ZNF254: variants seen among roughly 807,000 people sequenced by gnomAD.
ZNF254 encodes the protein CTD-2017D11.1.
In ZNF254, 10 loss-of-function variants were observed where a neutral mutation model predicts 12.4. The ratio of observed to expected loss-of-function variants is 0.80; its 90% CI spans 0.50 to 1.36. The LOEUF (loss-of-function observed/expected upper bound fraction) is 1.36, where lower values mean the gene tolerates loss of function less well. ZNF254 is among the 40% of genes most tolerant of loss of function. ZNF254 has a pLI of 0.00. For missense variants in ZNF254, 996 were observed against 763.9 expected, an observed-to-expected ratio of 1.30 and a Z score of -3.58; for synonymous variants, 305 against 253.4, an observed-to-expected ratio of 1.20 and a Z score of -1.93.
At position 24,129,210 on chromosome 19, in the gene ZNF254, T is replaced by G. The variant is rs1975087665; in HGVS notation, c.*1230T>G. On this transcript the variant is annotated 3_prime_UTR_variant, in exon 4 of 4. Transcript: ENST00000357002. Reference sequence around the variant, plus strand: ...ATTATGAATGAAAAGCATTCTTAATTTTAGTTAAAATTAAGTTAGTCATAT... The same window carrying G: ...ATTATGAATGAAAAGCATTCTTAATGTTAGTTAAAATTAAGTTAGTCATAT... 1 of 151,998 alleles carries G rather than the reference T, an allele frequency of 6.6e-6. No individual in the cohort carries two copies. Among genetic ancestry groups the G allele is most frequent in the Non-Finnish European group, 1.5e-5 (1 of 67,914 alleles). The allele number at this position is 151,998 out of a possible 1,614,324, so 9.4% of individuals were successfully genotyped here.
At chr19:24,122,100 A>C (rs1974522372) in intron 3 of ZNF254, among the ~76,000 whole-genome samples, 1 of 152,216 alleles carries the variant, frequency 6.6e-6, no homozygotes. Flanking sequence ...CAAATTTACC[A>C]CAAAATATTT....
chr19:24,097,422 A>G (rs1972737858), intron 1 of ZNF254, among the ~76,000 whole-genome samples: 1 of 152,192 alleles, frequency 6.6e-6, no homozygotes, highest in Non-Finnish European at 1.5e-5. Context: ...AAGTTGTTTG[A>G]CAGAAACCTG....
chr19:24,043,798 G>A (rs553462628), intron 1 of ZNF254, among the ~76,000 whole-genome samples: 33 of 152,256 alleles, frequency 2.2e-4, no homozygotes, highest in Admixed American at 3.9e-4. Context: ...TAAAATGTAA[G>A]CATCATTTGA....
chr19:24,066,659 A>G (rs1388433438), intron 2 of ZNF254: 1 of 151,928 alleles, frequency 6.6e-6, no homozygotes, highest in Admixed American at 6.6e-5. Context: ...CAGCCTGGTC[A>G]ACATGGTGAA....
chr19:24,033,910 C>T (rs1292377719), intron 1 of ZNF254, among the ~76,000 whole-genome samples: 2 of 152,212 alleles, frequency 1.3e-5, no homozygotes, highest in Non-Finnish European at 2.9e-5. Context: ...GGAATCCTGA[C>T]TTGGTGTGTG....
chr19:24,048,115 G>A (rs7257502), intron 2 of ZNF254, among the ~76,000 whole-genome samples: 22,223 of 145,748 alleles, frequency 0.15, 2,559 homozygotes, highest in African/African-American at 0.33. Context: ...AGCTCCACAC[G>A]TGGCCTGCAG....
At chr19:24,086,483 T>C (rs1242438196), upstream of ZNF254, among the ~76,000 whole-genome samples, 2 of 151,794 alleles carry the variant, frequency 1.3e-5, no homozygotes, top group East Asian at 2.0e-4. Flanking sequence ...TTTTTTTTTC[T>C]TTTATTTTTT....
At position 24,041,702 on chromosome 19, in the gene ZNF254, G is replaced by A. The variant is rs543953915; in HGVS notation, c.-189-4482G>A. Among the ~76,000 whole-genome samples, 377 of 152,364 alleles carry A rather than the reference G, an allele frequency of 2.5e-3. 1 individual carries two copies. The highest frequency in any genetic ancestry group is 8.7e-3 in the African/African-American group (363 of 41,594). On this transcript the variant is annotated intron_variant, in intron 1 of 4. Coordinates refer to the ZNF254 transcript ENST00000613065. ...CACCCAAGGGCTGAGGAATGCGAGCGCACGGCGCAGGACTGGCAGGCAGCT... is the reference window on the plus strand; with the variant it reads ...CACCCAAGGGCTGAGGAATGCGAGCACACGGCGCAGGACTGGCAGGCAGCT...
At chr19:24,084,051 C>T (rs779867659), upstream of ZNF254, among the ~76,000 whole-genome samples, 1 of 151,310 alleles carries the variant, frequency 6.6e-6, no homozygotes, top group Non-Finnish European at 1.5e-5. Flanking sequence ...TTTATAGCAG[C>T]ACAATTTGCA....
chr19:24,050,462 CT>C (rs1198668308), intron 2 of ZNF254, among the ~76,000 whole-genome samples: 10 of 152,272 alleles, frequency 6.6e-5, no homozygotes, highest in Non-Finnish European at 1.5e-4. Context: ...TCTTGGCACC[CT>C]TTGACTATTT....
intron 1 of ZNF254, among the ~76,000 whole-genome samples, chr19:24,035,039 ACTTT>A (rs1969914990): frequency 2.6e-5 from 4 of 152,134 alleles, no homozygotes; most frequent in African/African-American, 9.7e-5. Context: ...AGAGAAAAGG[ACTTT>A]CTTTCATAAG....
chr19:24,053,151 C>T (rs1465049459), intron 2 of ZNF254, among the ~76,000 whole-genome samples: 1 of 152,136 alleles, frequency 6.6e-6, no homozygotes, highest in African/African-American at 2.4e-5. Flanking sequence ...CATGTTAATT[C>T]GATCCATAGA....
chr19:24,061,859 G>T (rs190076267), intron 2 of ZNF254, among the ~76,000 whole-genome samples: 1 of 152,212 alleles, frequency 6.6e-6, no homozygotes, highest in South Asian at 2.1e-4. Context: ...AGAGGTGGAC[G>T]GATCACCTGA....
At chr19:24,037,030 C>G (rs1363796844) in intron 1 of ZNF254, among the ~76,000 whole-genome samples, 1 of 152,228 alleles carries the variant, frequency 6.6e-6, no homozygotes, top group Admixed American at 6.5e-5. Flanking sequence ...GCAACCTGGT[C>G]TCTCTATCAC....
At chr19:24,071,973 A>G (rs1971497415) in intron 2 of ZNF254, among the ~76,000 whole-genome samples, 1 of 152,158 alleles carries the variant, frequency 6.6e-6, no homozygotes, top group Admixed American at 6.5e-5. Flanking sequence ...ATATTGAAAT[A>G]TGGCTGGGTC....
intron 2 of ZNF254, among the ~76,000 whole-genome samples, chr19:24,051,935 A>G (rs988558878): frequency 2.0e-5 from 3 of 152,004 alleles, no homozygotes; most frequent in Non-Finnish European, 4.4e-5. Flanking sequence ...ACTCACAGAG[A>G]GCATTTTGAC....
upstream of ZNF254, among the ~76,000 whole-genome samples, chr19:24,084,595 G>A (rs577900088): frequency 5.3e-5 from 8 of 152,008 alleles, no homozygotes; most frequent in South Asian, 1.2e-3. Context: ...CCCAAACCCC[G>A]TAAGTTTAAC....
upstream of ZNF254, among the ~76,000 whole-genome samples, chr19:24,086,211 AAAAAT>A (rs1972033200): frequency 1.3e-5 from 2 of 152,352 alleles, no homozygotes; most frequent in African/African-American, 4.8e-5. Flanking sequence ...CGTCTAGACA[AAAAAT>A]AAAAAATAAA....
chr19:24,055,984 C>G (rs555922226), intron 2 of ZNF254, among the ~76,000 whole-genome samples: 2 of 152,276 alleles, frequency 1.3e-5, no homozygotes, highest in East Asian at 3.9e-4. Flanking sequence ...CTGCCCAGCA[C>G]CTGAGTGATC....
Sources: allele counts gnomAD v4.1 joint callset (sites outside exome capture counted in the v4.1 genomes callset), GRCh38; gene constraint gnomAD v4.1.1; transcripts MANE v1.5; gene names NCBI Gene and HGNC (gene_info 2026-07-23, HGNC 2026-07-21).